MCC: variants seen among roughly 807,000 people sequenced by gnomAD.
The protein encoded by MCC is MCC regulator of Wnt signaling pathway.
In MCC, 90 loss-of-function variants were observed where a neutral mutation model predicts 116.2. The ratio of observed to expected loss-of-function variants is 0.77; its 90% confidence interval spans 0.65 to 0.92. The LOEUF is 0.92. Ranked by LOEUF, MCC falls within the 40% of genes least tolerant of loss-of-function variation. The pLI is 0.00. For missense variants in MCC, 1,516 were observed against 1,312.2 expected (o/e 1.16, Z -2.40); for synonymous variants, 578 against 510.5 (o/e 1.13, Z -1.78).
intron 1 of MCC, among the ~76,000 whole-genome samples, chr5:113,426,192 G>T (rs1770476407): frequency 6.6e-6 from 1 of 152,118 alleles, no homozygotes; most frequent in South Asian, 2.1e-4. Flanking sequence ...GGGCCCCAGG[G>T]TGCTTGGAAC....
intron 5 of MCC, among the ~76,000 whole-genome samples, chr5:113,132,429 T>C (rs1422726311): frequency 2.9e-3 from 39 of 13,458 alleles, no homozygotes; most frequent in Admixed American, 0.02. Context: ...CACACATACA[T>C]ATATATATAT....
intron 16 of MCC, among the ~76,000 whole-genome samples, chr5:113,045,170 A>G (rs2150216717): frequency 6.6e-6 from 1 of 152,338 alleles, no homozygotes; most frequent in South Asian, 2.1e-4. Context: ...CCTTAAAGAC[A>G]GGGACTGCTC....
intron 3 of MCC, among the ~76,000 whole-genome samples, chr5:113,232,489 CT>C (rs979374448): frequency 5.5e-4 from 84 of 152,268 alleles, no homozygotes; most frequent in African/African-American, 1.9e-3. Flanking sequence ...CAAACACTCC[CT>C]TTGCCTTCCT....
intron 3 of MCC, among the ~76,000 whole-genome samples, chr5:113,314,210 G>C (rs1243560900): frequency 6.6e-6 from 1 of 152,218 alleles, no homozygotes; most frequent in Non-Finnish European, 1.5e-5. Flanking sequence ...CAAAATGATA[G>C]AGTATAATTT....
intron 3 of MCC, among the ~76,000 whole-genome samples, chr5:113,300,259 G>C (rs538273612): frequency 6.6e-6 from 1 of 152,242 alleles, no homozygotes; most frequent in South Asian, 2.1e-4. Flanking sequence ...CTGGTCCACT[G>C]TCTCTACCCC....
intron 3 of MCC, among the ~76,000 whole-genome samples, chr5:113,159,462 A>G (rs1463029654): frequency 6.6e-6 from 1 of 152,224 alleles, no homozygotes; most frequent in Admixed American, 6.5e-5. Context: ...CCTTCATTGT[A>G]GAGAAATGAA....
At chr5:113,376,600 CACACACAT>C (rs1768987829) in intron 2 of MCC, among the ~76,000 whole-genome samples, 1 of 152,010 alleles carries the variant, frequency 6.6e-6, no homozygotes, top group South Asian at 2.1e-4. Context: ...CACACACACA[CACACACAT>C]ATCAGTATTA....
rs376957827 is a variant in MCC at position 113,032,408 on chromosome 5, CAAAAAAAA to C, written c.2757-3360_2757-3353del. 5.6e-3 allele frequency among the ~76,000 whole-genome samples: 353 copies of C among 63,346 alleles called. 7 individuals carry two copies. In the East Asian group the frequency reaches 0.11, roughly 19 times the overall value. The allele number at this position is 63,346 out of a possible 152,430, so 41.6% of individuals were successfully genotyped here. A position where few individuals can be genotyped will look rare whatever the true frequency, so the allele number is the denominator to read the frequency against. ...GGGAAACAAGAATGAAACTCTGTAT[CAAAAAAAA>C]AAAAAAAAAAAAAAGGATACTGATT... On this transcript the variant is annotated intron_variant, in intron 17 of 18. Coordinates refer to ENST00000408903, the MANE Select transcript of MCC (RefSeq NM_001085377.2).
At chr5:113,294,263 G>T in intron 3 of MCC, 1 of 1,609,158 alleles carries the variant, frequency 6.2e-7, no homozygotes, top group South Asian at 1.1e-5. Context: ...GAGGTCGAGG[G>T]GAGGGGGATT....
At position 113,401,441 on chromosome 5, in the gene MCC, A is replaced by G. The variant is rs371181590; in HGVS notation, c.171-16229T>C. Among the ~76,000 whole-genome samples, 42 of 152,342 alleles carry G rather than the reference A, an allele frequency of 2.8e-4. 4 individuals are homozygous for G. Among genetic ancestry groups the G allele is most frequent in the Admixed American group, 7.8e-4 (12 of 15,296 alleles). ...GTTTTAGGCTAGGATCCAAAGGTGT[A>G]CTTGACCCCTGGCTCTTTAAATTGA... On this transcript the variant is annotated intron_variant, in intron 1 of 18. Transcript: ENST00000408903.
chr5:113,439,261 C>T lies in MCC; in HGVS notation c.170+48984G>A, dbSNP rs116634758. ...TAAACAGCAGGCTCAGAGTGAAGTG[C>T]CAGTCAAGTCCTAGACCTGGTTGTG... On this transcript the variant is annotated intron_variant, in intron 1 of 18. Transcript: ENST00000408903. 3.3e-3 allele frequency among the ~76,000 whole-genome samples: 500 copies of T among 152,210 alleles called. 2 individuals are homozygous for T. The highest frequency in any genetic ancestry group is 0.011 in the African/African-American group (470 of 41,538).
intron 2 of MCC, among the ~76,000 whole-genome samples, chr5:113,355,502 T>C (rs1477053685): frequency 1.3e-5 from 2 of 152,162 alleles, no homozygotes; most frequent in East Asian, 3.9e-4. Flanking sequence ...ATTAGTCTGC[T>C]TGGGCTGTCA....
chr5:113,355,764 A>G (rs375031153), intron 2 of MCC, among the ~76,000 whole-genome samples: 12 of 152,100 alleles, frequency 7.9e-5, no homozygotes, highest in African/African-American at 2.7e-4. Flanking sequence ...CCACCCCACG[A>G]TCTCATCTAA....
chr5:113,083,416 T>C (rs1754997776), intron 10 of MCC, among the ~76,000 whole-genome samples: 1 of 152,214 alleles, frequency 6.6e-6, no homozygotes, highest in Admixed American at 6.5e-5. Flanking sequence ...TTTCACAATT[T>C]GGCTTTGGCA....
At chr5:113,100,466 T>A (rs1353470828) in intron 8 of MCC, among the ~76,000 whole-genome samples, 5 of 123,072 alleles carry the variant, frequency 4.1e-5, no homozygotes, top group Non-Finnish European at 8.1e-5. Flanking sequence ...ATTTTTCCCT[T>A]TTTTTTTTTT....
intron 1 of MCC, among the ~76,000 whole-genome samples, chr5:113,416,106 G>T (rs1437621836): frequency 6.6e-6 from 1 of 152,178 alleles, no homozygotes; most frequent in Non-Finnish European, 1.5e-5. Context: ...CAGAGGCTCA[G>T]TTGGAAATGC....
chr5:113,132,427 C>CAT (rs1162820789), intron 5 of MCC, among the ~76,000 whole-genome samples: 1,495 of 107,200 alleles, frequency 0.014, 71 homozygotes, highest in African/African-American at 0.058. Flanking sequence ...TACACACATA[C>CAT]ATATATATAT....
chr5:113,453,750 T>A (rs1312696898), intron 1 of MCC, among the ~76,000 whole-genome samples: 1 of 152,206 alleles, frequency 6.6e-6, no homozygotes, highest in African/African-American at 2.4e-5. Context: ...AAATCCTGTT[T>A]GGTATTTAGT....
chr5:113,091,438 C>A (rs540766651), intron 8 of MCC, among the ~76,000 whole-genome samples: 3 of 152,306 alleles, frequency 2.0e-5, no homozygotes, highest in East Asian at 3.9e-4. Flanking sequence ...CAGTCTGAAT[C>A]AGGAGCTGAA....
Sources: gnomAD v4.1 joint callset for allele counts (sites outside exome capture counted in the v4.1 genomes callset) on GRCh38, gnomAD v4.1.1 for gene constraint, MANE v1.5 for transcripts, NCBI Gene and HGNC (gene_info 2026-07-23, HGNC 2026-07-21) for gene names.